Variants in ADGRL3 observed in about 807,000 individuals in gnomAD.
ADGRL3 encodes adhesion G protein-coupled receptor L3.
Under a neutral mutation model 153.5 loss-of-function variants are expected in ADGRL3, and 62 were observed. The observed-to-expected ratio is 0.40, with a 90% CI of 0.33 to 0.50. The LOEUF is 0.50. ADGRL3 is among the 20% of genes least tolerant of loss of function. The pLI, the probability that ADGRL3 is intolerant of heterozygous loss-of-function variation, is 0.47. For missense variants in ADGRL3, 1,641 were observed against 1,859.4 expected (o/e 0.88, Z 2.16); for synonymous variants, 710 against 672.5 (o/e 1.06, Z -0.86).
intron 2 of ADGRL3, among the ~76,000 whole-genome samples, chr4:61,460,142 A>T (rs556262272): frequency 6.6e-6 from 1 of 152,098 alleles, no homozygotes; most frequent in South Asian, 2.1e-4. Flanking sequence ...TAGCCATAAA[A>T]TCTTTGCCTA....
intron 1 of ADGRL3, among the ~76,000 whole-genome samples, chr4:61,278,290 T>A (rs1203082017): frequency 6.6e-6 from 1 of 152,148 alleles, no homozygotes; most frequent in Non-Finnish European, 1.5e-5. Flanking sequence ...AAATATTTCT[T>A]TTTTCCTCAA....
At chr4:62,006,880 G>A (rs1042505878) in intron 21 of ADGRL3, among the ~76,000 whole-genome samples, 2 of 152,066 alleles carry the variant, frequency 1.3e-5, no homozygotes, top group Non-Finnish European at 2.9e-5. Context: ...ACTGCTGGAA[G>A]TATCAAATGC....
chr4:61,877,744 G>T (rs1278687316), intron 9 of ADGRL3, among the ~76,000 whole-genome samples: 2 of 152,018 alleles, frequency 1.3e-5, no homozygotes, highest in Non-Finnish European at 2.9e-5. Flanking sequence ...GTCTTCACGT[G>T]GTCATCCTGA....
chr4:62,032,181 G>A (rs1019332432), intron 23 of ADGRL3, among the ~76,000 whole-genome samples: 1 of 151,266 alleles, frequency 6.6e-6, no homozygotes, highest in South Asian at 2.1e-4. Flanking sequence ...TCCCTTAAAA[G>A]CATTTATTAT....
At chr4:61,691,086 CAT>C (rs1239554046) in intron 6 of ADGRL3, among the ~76,000 whole-genome samples, 2 of 152,140 alleles carry the variant, frequency 1.3e-5, no homozygotes, top group African/African-American at 4.8e-5. Context: ...AAGTGAGAAA[CAT>C]ATGTTATTCT....
intron 6 of ADGRL3, among the ~76,000 whole-genome samples, chr4:61,712,809 T>C (rs2096023053): frequency 6.6e-6 from 1 of 152,230 alleles, no homozygotes; most frequent in Non-Finnish European, 1.5e-5. Flanking sequence ...TTCATCACTG[T>C]GGTTTTAGTT....
At chr4:62,014,139 G>A (rs1188937490) in intron 21 of ADGRL3, among the ~76,000 whole-genome samples, 1 of 152,100 alleles carries the variant, frequency 6.6e-6, no homozygotes, top group Non-Finnish European at 1.5e-5. Context: ...CAAGAAGATA[G>A]TAGTAAATAG....
intron 9 of ADGRL3, among the ~76,000 whole-genome samples, chr4:61,865,060 A>G (rs1217040318): frequency 6.6e-6 from 1 of 152,186 alleles, no homozygotes; most frequent in Non-Finnish European, 1.5e-5. Context: ...GAATTTTTGT[A>G]ATCTGCATGT....
intron 6 of ADGRL3, among the ~76,000 whole-genome samples, chr4:61,714,422 T>G (rs796556240): frequency 8.5e-5 from 13 of 152,300 alleles, no homozygotes; most frequent in African/African-American, 3.1e-4. Context: ...TGCACACATG[T>G]TGTATCCCCT....
At chr4:61,926,633 C>T (rs1416791033) in intron 13 of ADGRL3, among the ~76,000 whole-genome samples, 1 of 152,152 alleles carries the variant, frequency 6.6e-6, no homozygotes, top group African/African-American at 2.4e-5. Context: ...ATAATAAATT[C>T]TACCTCACTG....
chr4:61,307,314 A>G (rs1260165147), intron 1 of ADGRL3, among the ~76,000 whole-genome samples: 1 of 152,172 alleles, frequency 6.6e-6, no homozygotes, highest in Admixed American at 6.5e-5. Context: ...GACTAACACA[A>G]TTCTGAGATA....
At chr4:61,369,585 T>TG (rs1267314462) in intron 1 of ADGRL3, among the ~76,000 whole-genome samples, 1 of 152,194 alleles carries the variant, frequency 6.6e-6, no homozygotes, top group East Asian at 1.9e-4. Context: ...GAAGCCCACT[T>TG]GATCATGGTG....
At chr4:61,724,818 T>C (rs1430294158) in intron 6 of ADGRL3, among the ~76,000 whole-genome samples, 1 of 152,152 alleles carries the variant, frequency 6.6e-6, no homozygotes, top group East Asian at 1.9e-4. Flanking sequence ...TTGGTAGAAG[T>C]GAAATGGAAG....
chr4:61,831,337 G>T (rs1241414147), intron 9 of ADGRL3, among the ~76,000 whole-genome samples: 1 of 133,666 alleles, frequency 7.5e-6, no homozygotes, highest in Non-Finnish European at 1.5e-5. Context: ...TAGGCTTAAA[G>T]AAACCATGCA....
intron 9 of ADGRL3, 92 bp from the exon 10 acceptor site, chr4:61,892,564 G>C: frequency 1.1e-6 from 1 of 921,920 alleles, no homozygotes; most frequent in Non-Finnish European, 1.7e-6. Flanking sequence ...TCTTTGAACT[G>C]TCAAATAAAA....
At chr4:61,535,768 T>C (rs2152974137) in intron 4 of ADGRL3, among the ~76,000 whole-genome samples, 1 of 152,206 alleles carries the variant, frequency 6.6e-6, no homozygotes. Flanking sequence ...TTTGTCTTTC[T>C]TTGGCATTGT....
intron 3 of ADGRL3, among the ~76,000 whole-genome samples, chr4:61,511,879 G>A (rs1277145680): frequency 6.6e-6 from 1 of 152,086 alleles, no homozygotes. Context: ...GCTTGAATTG[G>A]ATCTTTTATG....
chr4:61,728,879 T>A (rs2096392911), intron 6 of ADGRL3, among the ~76,000 whole-genome samples: 1 of 152,052 alleles, frequency 6.6e-6, no homozygotes, highest in Non-Finnish European at 1.5e-5. Flanking sequence ...ATTATTCTGG[T>A]ATAAGCATGA....
chr4:62,034,700 G>A (rs1211616875), intron 23 of ADGRL3, among the ~76,000 whole-genome samples: 1 of 151,658 alleles, frequency 6.6e-6, no homozygotes, highest in Non-Finnish European at 1.5e-5. Context: ...GAAAATTGCT[G>A]TCTTATTGAA....
Sources: gnomAD v4.1 joint callset for allele counts (sites outside exome capture counted in the v4.1 genomes callset) on GRCh38, gnomAD v4.1.1 for gene constraint, MANE v1.5 for transcripts, NCBI Gene and HGNC (gene_info 2026-07-23, HGNC 2026-07-21) for gene names.